The following HTR4 variants were observed in gnomAD, a reference collection of about 807,000 sequenced individuals.
The protein encoded by HTR4 is 5-hydroxytryptamine receptor 4.
A neutral mutation model predicts 36.8 loss-of-function variants in HTR4; 16 were observed. That is an observed-to-expected ratio of 0.43 (90% CI 0.29 to 0.66). The LOEUF is 0.66. Ranked by LOEUF, HTR4 falls within the 30% of genes least tolerant of loss-of-function variation. The pLI, the probability that HTR4 is intolerant of heterozygous loss-of-function variation, is 0.13. For missense variants in HTR4, 438 were observed against 490.9 expected (o/e 0.89, Z 1.02); for synonymous variants, 189 against 185.1 (o/e 1.02, Z -0.17).
At chr5:148,518,318 T>C (rs1290686130) in intron 5 of HTR4, among the ~76,000 whole-genome samples, 2 of 152,166 alleles carry the variant, frequency 1.3e-5, no homozygotes, top group African/African-American at 4.8e-5. Context: ...ATGTGGGTCA[T>C]TGTCTATACT....
intron 4 of HTR4, among the ~76,000 whole-genome samples, chr5:148,533,622 T>C (rs1424001803): frequency 1.3e-5 from 2 of 152,192 alleles, no homozygotes; most frequent in African/African-American, 2.4e-5. Context: ...AATTCTAGAC[T>C]GTCAGAATTG....
rs1447436693 is a variant in HTR4 at position 148,558,089 on chromosome 5, T to TTAGATA, written c.27-7828_27-7827insTATCTA. Among the ~76,000 whole-genome samples, 161 of 152,122 alleles carry TTAGATA rather than the reference T, an allele frequency of 1.1e-3. 1 individual carries two copies. Among genetic ancestry groups the TTAGATA allele is most frequent in the African/African-American group, 3.5e-3 (147 of 41,506 alleles). ...TCCCATACTCCCTATCTAAGTATTT[T>TTAGATA]TTTCACCCTTCCTGCCCAGCCCTGC... On this transcript the variant is annotated intron_variant, in intron 2 of 6. Transcript: ENST00000377888.
chr5:148,543,237 T>C (rs1759207749), intron 4 of HTR4, among the ~76,000 whole-genome samples: 1 of 151,558 alleles, frequency 6.6e-6, no homozygotes, highest in Admixed American at 6.6e-5. Context: ...GAGGGACAGA[T>C]AGAAAGAGAG....
chr5:148,588,629 T>C (rs1342050100), intron 2 of HTR4, among the ~76,000 whole-genome samples: 7 of 147,858 alleles, frequency 4.7e-5, no homozygotes, highest in African/African-American at 7.4e-5. Flanking sequence ...CAAGCTCCGC[T>C]TCCCGGGTTC....
intron 2 of HTR4, among the ~76,000 whole-genome samples, chr5:148,584,303 C>A (rs956906199): frequency 6.6e-6 from 1 of 152,102 alleles, no homozygotes; most frequent in Non-Finnish European, 1.5e-5. Flanking sequence ...TTAAGGTAAT[C>A]AGCTGGTGGC....
chr5:148,617,876 T>C (rs919800487), intron 2 of HTR4, among the ~76,000 whole-genome samples: 1 of 152,134 alleles, frequency 6.6e-6, no homozygotes, highest in Non-Finnish European at 1.5e-5. Flanking sequence ...AGGCAAAGTA[T>C]GGCTGCGATG....
At chr5:148,644,588 C>G (rs1050373102) in intron 1 of HTR4, 2 of 152,040 alleles carry the variant, frequency 1.3e-5, no homozygotes, top group Non-Finnish European at 1.5e-5. Context: ...GAATAAGACA[C>G]AGTCAATAAG....
chr5:148,544,303 CTCTTTCTCTCTCTCTCCACCTCTCTT>C (rs1405259781), intron 4 of HTR4, among the ~76,000 whole-genome samples: 2 of 150,278 alleles, frequency 1.3e-5, no homozygotes, highest in Non-Finnish European at 1.5e-5. Flanking sequence ...CTCTCCACCT[CTCTTTCTCTCTCTCTCCACCTCTCTT>C]TCTCTCTCTC....
chr5:148,466,783 A>G (rs1755441323), intron 5 of HTR4, among the ~76,000 whole-genome samples: 1 of 152,236 alleles, frequency 6.6e-6, no homozygotes, highest in Non-Finnish European at 1.5e-5. Context: ...ATTTTAATGC[A>G]ACTTTAAGTT....
chr5:148,628,349 C>T (rs944950507), intron 2 of HTR4: 2 of 152,150 alleles, frequency 1.3e-5, no homozygotes, highest in African/African-American at 4.8e-5. Flanking sequence ...ATATGTAATG[C>T]TGGGGCCACT....
At chr5:148,517,265 C>T (rs1757801134) in intron 5 of HTR4, among the ~76,000 whole-genome samples, 1 of 152,036 alleles carries the variant, frequency 6.6e-6, no homozygotes. Flanking sequence ...CCTTTACTGC[C>T]CTTCGTTCCT....
chr5:148,635,216 A>C (rs753912603), intron 2 of HTR4, among the ~76,000 whole-genome samples: 7 of 152,200 alleles, frequency 4.6e-5, no homozygotes, highest in Non-Finnish European at 8.8e-5. Context: ...CATACCACCT[A>C]AATTCATTAT....
chr5:148,483,106 T>G lies in HTR4; in HGVS notation c.*97A>C, dbSNP rs1581360529. On this transcript the variant is annotated 3_prime_UTR_variant, in exon 7 of 7. Coordinates refer to ENST00000377888, the MANE Select transcript of HTR4 (RefSeq NM_000870.7). Reference sequence around the variant, plus strand: ...GCACTGGCGGACGGAAAGCCTCAGGTGAAGAGAATACCGGGTGCAGTCGCG... The same window carrying G: ...GCACTGGCGGACGGAAAGCCTCAGGGGAAGAGAATACCGGGTGCAGTCGCG... The G allele has an allele frequency of 6.4e-7, 1 of 1,567,506 alleles. No individual in the cohort carries two copies. The highest frequency in any genetic ancestry group is 8.7e-7 in the Non-Finnish European group (1 of 1,154,930).
chr5:148,551,760 T>C (rs1759705050), intron 2 of HTR4, among the ~76,000 whole-genome samples: 1 of 151,982 alleles, frequency 6.6e-6, no homozygotes, highest in South Asian at 2.1e-4. Context: ...AAAAACAAAT[T>C]GCAAAAAAAT....
intron 6 of HTR4, among the ~76,000 whole-genome samples, chr5:148,505,568 A>T (rs1002809188): frequency 6.6e-6 from 1 of 152,158 alleles, no homozygotes; most frequent in African/African-American, 2.4e-5. Flanking sequence ...AATTAGGAAA[A>T]GAGGAAGTCA....
intron 2 of HTR4, among the ~76,000 whole-genome samples, chr5:148,574,482 T>C (rs181242954): frequency 3.3e-5 from 5 of 152,208 alleles, no homozygotes; most frequent in Non-Finnish European, 1.5e-5. Flanking sequence ...AAGCTTTCTT[T>C]ATGATTCCTA....
intron 2 of HTR4, among the ~76,000 whole-genome samples, chr5:148,595,904 A>T (rs948849992): frequency 1.3e-5 from 2 of 152,212 alleles, no homozygotes; most frequent in African/African-American, 4.8e-5. Context: ...ATGACTAATA[A>T]TTATTGCAAC....
Position 148,463,165 on chromosome 5 carries a change from C to CTTTTTTTTT in HTR4, c.1077-11902_1077-11894dup, listed in dbSNP as rs71001490. ...CTTTGCTTTTCATTTCTTTTTTTTTCTTTTTTTTTTTTTTTTTTTTTTTTT... is the reference window on the plus strand; with the variant it reads ...CTTTGCTTTTCATTTCTTTTTTTTTCTTTTTTTTTTTTTTTTTTTTTTTTTTTTTTTTTT... On this transcript the variant is annotated intron_variant, in intron 5 of 5. Coordinates refer to the HTR4 transcript ENST00000521530. Among the ~76,000 whole-genome samples, 166 of 64,158 alleles carry CTTTTTTTTT rather than the reference C, an allele frequency of 2.6e-3. 1 individual carries two copies. Among genetic ancestry groups the CTTTTTTTTT allele is most frequent in the Non-Finnish European group, 3.1e-3 (113 of 36,466 alleles). 42.1% of individuals were successfully genotyped at this position (64,158 alleles called of 152,430 possible). A position where few individuals can be genotyped will look rare whatever the true frequency, so the allele number is the denominator to read the frequency against.
intron 4 of HTR4, among the ~76,000 whole-genome samples, chr5:148,535,540 A>G (rs931568582): frequency 6.6e-6 from 1 of 152,248 alleles, no homozygotes; most frequent in Non-Finnish European, 1.5e-5. Context: ...AAAAAAGAAC[A>G]TAATGGATCT....
Sources: allele counts gnomAD v4.1 joint callset (sites outside exome capture counted in the v4.1 genomes callset), GRCh38; gene constraint gnomAD v4.1.1; transcripts MANE v1.5; gene names NCBI Gene and HGNC (gene_info 2026-07-23, HGNC 2026-07-21).